PRDM16: variants seen among roughly 807,000 people sequenced by gnomAD.
PRDM16 encodes the protein PR/SET domain 16.
Under a neutral mutation model 110.6 loss-of-function variants are expected in PRDM16, and 23 were observed. The observed-to-expected ratio is 0.21, with a 90% CI of 0.15 to 0.29. The LOEUF (loss-of-function observed/expected upper bound fraction) is 0.29, where lower values mean the gene tolerates loss of function less well. PRDM16 is among the 10% of genes least tolerant of loss of function. The probability of loss-of-function intolerance (pLI) is 1.00; values close to 1 mark genes in which losing one functional copy is unlikely to be tolerated. For synonymous variants in PRDM16, 799 were observed against 781.8 expected (o/e 1.02, Z -0.37); for missense variants, 1,615 against 1,794.3 (o/e 0.90, Z 1.81).
At chr1:3,338,575 G>A (rs947320942) in intron 3 of PRDM16, among the ~76,000 whole-genome samples, 4 of 152,214 alleles carry the variant, frequency 2.6e-5, no homozygotes, top group African/African-American at 9.6e-5. Flanking sequence ...GCCAGTTGAT[G>A]AGTATCTCAC....
chr1:3,204,664 C>T (rs1288739474), intron 2 of PRDM16, among the ~76,000 whole-genome samples: 2 of 152,228 alleles, frequency 1.3e-5, no homozygotes, highest in Non-Finnish European at 2.9e-5. Flanking sequence ...TTTCAGAAGC[C>T]AGGCCGACAG....
At chr1:3,341,935 T>C (rs542584833) in intron 3 of PRDM16, among the ~76,000 whole-genome samples, 1 of 152,372 alleles carries the variant, frequency 6.6e-6, no homozygotes, top group African/African-American at 2.4e-5. Context: ...CACAATATTT[T>C]CAATTTATGA....
chr1:3,181,110 G>C (rs866266439), intron 1 of PRDM16, among the ~76,000 whole-genome samples: 1 of 76,258 alleles, frequency 1.3e-5, no homozygotes, highest in African/African-American at 5.1e-5. Flanking sequence ...AGTCTTACAC[G>C]CGGCCTTACA....
At chr1:3,138,732 G>T (rs1187451736) in intron 1 of PRDM16, among the ~76,000 whole-genome samples, 1 of 152,270 alleles carries the variant, frequency 6.6e-6, no homozygotes, top group South Asian at 2.1e-4. Flanking sequence ...AGACCGGTGG[G>T]TGCCAACACT....
At chr1:3,093,420 G>A (rs1446407680) in intron 1 of PRDM16, among the ~76,000 whole-genome samples, 1 of 152,206 alleles carries the variant, frequency 6.6e-6, no homozygotes, top group African/African-American at 2.4e-5. Flanking sequence ...GAAACCATCT[G>A]CCCATGAAGA....
chr1:3,202,473 C>A (rs373001370), intron 2 of PRDM16, among the ~76,000 whole-genome samples: 2 of 152,164 alleles, frequency 1.3e-5, no homozygotes, highest in Non-Finnish European at 2.9e-5. Context: ...TCCCCTTGGT[C>A]ACAGGCGACT....
chr1:3,293,874 G>C (rs1320868645), intron 3 of PRDM16, among the ~76,000 whole-genome samples: 1 of 152,216 alleles, frequency 6.6e-6, no homozygotes, highest in Non-Finnish European at 1.5e-5. Flanking sequence ...CCCGGCAGGT[G>C]TCTGAGGGCC....
In PRDM16 at chr1:3,157,990, A is replaced by G. The variant is rs1002320741; in HGVS notation, c.38-28135A>G. Among the ~76,000 whole-genome samples the G allele has an allele frequency of 5.3e-5, 8 of 152,378 alleles. No homozygotes were observed. Among genetic ancestry groups the G allele is most frequent in the African/African-American group, 1.7e-4 (7 of 41,584 alleles). On this transcript the variant is annotated intron_variant, in intron 1 of 16. Transcript: ENST00000270722. The surrounding 1 kb of genome is among the most constrained non-coding windows in gnomAD (Gnocchi z 4.8). ...ACAATGACTGCTCATTGCAGAAAAT[A>G]CAGAAACAGATTTTGAAATGGAAAA... is the stretch of plus-strand genomic sequence containing the variant.
At chr1:3,151,838 C>T (rs1363397017) in intron 1 of PRDM16, among the ~76,000 whole-genome samples, 3 of 152,240 alleles carry the variant, frequency 2.0e-5, no homozygotes, top group Admixed American at 6.5e-5. Context: ...GAAGTCATCA[C>T]GGACGTTGTG....
intron 3 of PRDM16, among the ~76,000 whole-genome samples, chr1:3,314,671 G>GC (rs1641556972): frequency 6.6e-6 from 1 of 151,510 alleles, no homozygotes; most frequent in Non-Finnish European, 1.5e-5. Context: ...AATCGCCTTC[G>GC]CCCCCGTAGC....
chr1:3,165,641 AGG>A (rs1643945508), intron 1 of PRDM16, among the ~76,000 whole-genome samples: 1 of 113,154 alleles, frequency 8.8e-6, no homozygotes, highest in African/African-American at 3.8e-5. Flanking sequence ...ACCTGGGCTC[AGG>A]GACAGGGACT....
intron 1 of PRDM16, among the ~76,000 whole-genome samples, chr1:3,114,344 GCATGCACA>G (rs1370800506): frequency 2.3e-5 from 3 of 132,344 alleles, no homozygotes; most frequent in South Asian, 2.5e-4. Flanking sequence ...AGACGCGCAC[GCATGCACA>G]CATGCACACA....
chr1:3,295,110 G>A (rs1641058289), intron 3 of PRDM16, among the ~76,000 whole-genome samples: 1 of 152,156 alleles, frequency 6.6e-6, no homozygotes, highest in Non-Finnish European at 1.5e-5. Context: ...TGCCTCCCAG[G>A]GCACCCAGGT....
chr1:3,105,278 G>A (rs910500040), intron 1 of PRDM16, among the ~76,000 whole-genome samples: 18 of 152,288 alleles, frequency 1.2e-4, no homozygotes, highest in African/African-American at 3.6e-4. Context: ...GGCCCAGCCC[G>A]GCCTGGTCAC....
intron 3 of PRDM16, among the ~76,000 whole-genome samples, chr1:3,375,316 T>G (rs1642973023): frequency 6.6e-6 from 1 of 152,264 alleles, no homozygotes; most frequent in African/African-American, 2.4e-5. Context: ...CGACAGACCC[T>G]GCTCTTTCCA....
intron 1 of PRDM16, among the ~76,000 whole-genome samples, chr1:3,141,837 G>A (rs766263554): frequency 1.3e-5 from 2 of 152,184 alleles, no homozygotes; most frequent in Non-Finnish European, 2.9e-5. Flanking sequence ...GGGTGGGGGC[G>A]GCCTTCAGTC....
chr1:3,425,490 G>C lies in PRDM16; in HGVS notation c.2940-91G>C. The C allele has an allele frequency of 1.4e-6, 2 of 1,406,824 alleles. No homozygotes were observed. Among genetic ancestry groups the C allele is most frequent in the Middle Eastern group, 1.9e-4 (1 of 5,168 alleles). 87.1% of individuals were successfully genotyped at this position (1,406,824 alleles called of 1,614,324 possible). A position where few individuals can be genotyped will look rare whatever the true frequency, so the allele number is the denominator to read the frequency against. ...AAAGCTGTGCACGGGGCACGGGGCA[G>C]GGGCGCGGGCTCCCTTCCCCCCACC... On this transcript the variant is annotated intron_variant, in intron 12 of 16. Transcript: ENST00000270722. The surrounding 1 kb of genome is among the most constrained non-coding windows in gnomAD (Gnocchi z 6.9).
intron 1 of PRDM16, among the ~76,000 whole-genome samples, chr1:3,090,231 C>T (rs946363019): frequency 2.0e-5 from 3 of 152,250 alleles, no homozygotes; most frequent in African/African-American, 4.8e-5. Flanking sequence ...ATGCAGCGTC[C>T]AGACCTGGCC....
intron 1 of PRDM16, among the ~76,000 whole-genome samples, chr1:3,076,911 G>T (rs60823305): frequency 1.3e-5 from 2 of 152,024 alleles, no homozygotes; most frequent in East Asian, 1.9e-4. Flanking sequence ...GGTGTTTTTG[G>T]GGGGGACACA....
Sources: allele counts gnomAD v4.1 joint callset (sites outside exome capture counted in the v4.1 genomes callset), GRCh38; gene constraint gnomAD v4.1.1; non-coding constraint Gnocchi (gnomAD v3.1); transcripts MANE v1.5; gene names NCBI Gene and HGNC (gene_info 2026-07-23, HGNC 2026-07-21).